TMEFF2: variants seen among roughly 807,000 people sequenced by gnomAD.
TMEFF2 encodes transmembrane protein with EGF like and two follistatin like domains 2.
Under a neutral mutation model 53.8 loss-of-function variants are expected in TMEFF2, and 28 were observed. The observed-to-expected ratio is 0.52, with a 90% CI of 0.39 to 0.71. TMEFF2 has a LOEUF of 0.71. Ranked by LOEUF, TMEFF2 falls within the 30% of genes least tolerant of loss-of-function variation. TMEFF2 has a pLI of 0.00. For missense variants in TMEFF2, 353 were observed against 455.2 expected (o/e 0.78, Z 2.04); for synonymous variants, 162 against 166.3 (o/e 0.97, Z 0.20).
chr2:192,119,062 A>C (rs72918155), intron 4 of TMEFF2, among the ~76,000 whole-genome samples: 58,584 of 152,006 alleles, frequency 0.39, 11,808 homozygotes, highest in Middle Eastern at 0.48. Flanking sequence ...TTGTTTCTAG[A>C]AGTCAGAAAA....
At chr2:192,135,969 A>C in intron 4 of TMEFF2, among the ~76,000 whole-genome samples, 2 of 149,670 alleles carry the variant, frequency 1.3e-5, no homozygotes, top group African/African-American at 5.0e-5. Flanking sequence ...TTACCTTCCC[A>C]AATCCTATAA....
intron 4 of TMEFF2, 141 bp downstream of exon 4, chr2:192,179,527 G>C: frequency 1.2e-6 from 1 of 835,082 alleles, no homozygotes; most frequent in Non-Finnish European, 1.8e-6. Context: ...TTAATATGGT[G>C]ACAATTTTTT....
At chr2:192,039,884 A>T (rs1317721541) in intron 5 of TMEFF2, among the ~76,000 whole-genome samples, 1 of 152,124 alleles carries the variant, frequency 6.6e-6, no homozygotes, top group East Asian at 1.9e-4. Flanking sequence ...TACAGTGGCC[A>T]TGTATTCCTC....
intron 4 of TMEFF2, among the ~76,000 whole-genome samples, chr2:192,091,911 T>C (rs1392603137): frequency 6.6e-6 from 1 of 152,168 alleles, no homozygotes; most frequent in Non-Finnish European, 1.5e-5. Flanking sequence ...AGGAGACGTG[T>C]ATTGCTGCCT....
chr2:191,969,599 T>A (rs2105802480), intron 7 of TMEFF2, among the ~76,000 whole-genome samples: 1 of 152,300 alleles, frequency 6.6e-6, no homozygotes, highest in East Asian at 1.9e-4. Context: ...AGGTCAAGCA[T>A]AAGCAAATGT....
intron 4 of TMEFF2, among the ~76,000 whole-genome samples, chr2:192,129,955 A>G (rs73045786): frequency 5.1e-4 from 77 of 152,332 alleles, no homozygotes; most frequent in African/African-American, 1.9e-3. Flanking sequence ...TAGGTCACTT[A>G]GCTTAATTTA....
intron 3 of TMEFF2, among the ~76,000 whole-genome samples, chr2:192,182,656 C>T (rs1691214442): frequency 6.6e-6 from 1 of 151,910 alleles, no homozygotes; most frequent in Admixed American, 6.6e-5. Context: ...ACCGTAACTT[C>T]TGGTCTGTTT....
chr2:192,187,377 T>C (rs1691340334), intron 2 of TMEFF2, among the ~76,000 whole-genome samples: 2 of 152,228 alleles, frequency 1.3e-5, no homozygotes, highest in Non-Finnish European at 2.9e-5. Flanking sequence ...ATGATATGTA[T>C]TTTAACTAGT....
At chr2:191,977,848 T>C (rs1348932648) in intron 7 of TMEFF2, among the ~76,000 whole-genome samples, 1 of 152,188 alleles carries the variant, frequency 6.6e-6, no homozygotes, top group East Asian at 1.9e-4. Flanking sequence ...CAAAAATAAC[T>C]ATGTTTTTAT....
intron 7 of TMEFF2, among the ~76,000 whole-genome samples, chr2:191,993,294 C>T (rs1286936675): frequency 1.3e-5 from 2 of 152,006 alleles, no homozygotes; most frequent in Non-Finnish European, 2.9e-5. Context: ...TGATTTCTTT[C>T]TTCCACATTT....
intron 4 of TMEFF2, among the ~76,000 whole-genome samples, chr2:192,115,154 C>G (rs1005080058): frequency 3.3e-5 from 5 of 151,896 alleles, no homozygotes; most frequent in African/African-American, 1.2e-4. Context: ...AAAAATGAAA[C>G]TGAAGGCATC....
intron 7 of TMEFF2, among the ~76,000 whole-genome samples, chr2:191,984,374 A>G (rs1486270606): frequency 6.6e-6 from 1 of 152,118 alleles, no homozygotes; most frequent in Non-Finnish European, 1.5e-5. Flanking sequence ...CAGTAACTAC[A>G]TTGGTGACTT....
intron 4 of TMEFF2, among the ~76,000 whole-genome samples, chr2:192,059,485 G>A (rs1235894559): frequency 6.6e-6 from 1 of 152,142 alleles, no homozygotes; most frequent in Non-Finnish European, 1.5e-5. Context: ...ATGCAACACA[G>A]AAGCTGCTAA....
At chr2:191,986,602 G>A (rs936370185) in intron 7 of TMEFF2, among the ~76,000 whole-genome samples, 4 of 145,276 alleles carry the variant, frequency 2.8e-5, no homozygotes, top group South Asian at 2.2e-4. Flanking sequence ...GCTCACGCCT[G>A]TAATCCCAGC....
chr2:192,029,469 A>G (rs183078244), intron 5 of TMEFF2: 1 of 152,338 alleles, frequency 6.6e-6, no homozygotes, highest in East Asian at 1.9e-4. Flanking sequence ...AAAGGAATAC[A>G]TTGAGATTCA....
At chr2:192,030,931 G>A (rs1687117468) in intron 5 of TMEFF2, among the ~76,000 whole-genome samples, 1 of 152,096 alleles carries the variant, frequency 6.6e-6, no homozygotes, top group South Asian at 2.1e-4. Flanking sequence ...GCGGGGCGGG[G>A]AGTTGATGGG....
chr2:191,991,503 C>T (rs935023216), intron 7 of TMEFF2, among the ~76,000 whole-genome samples: 1 of 152,086 alleles, frequency 6.6e-6, no homozygotes, highest in Non-Finnish European at 1.5e-5. Flanking sequence ...GACTTATTAT[C>T]TCCATTAAAC....
Position 191,949,508 on chromosome 2 carries a change from C to T in TMEFF2, c.*803G>A. 9.1e-6 allele frequency: 9 copies of T among 985,234 alleles called. No homozygotes were observed. Among genetic ancestry groups the T allele is most frequent in the Non-Finnish European group, 1.1e-5 (9 of 829,872 alleles). 61.0% of individuals were successfully genotyped at this position (985,234 alleles called of 1,614,324 possible). A position where few individuals can be genotyped will look rare whatever the true frequency, so the allele number is the denominator to read the frequency against. On this transcript the variant is annotated 3_prime_UTR_variant, in exon 10 of 10. Coordinates refer to ENST00000272771, the MANE Select transcript of TMEFF2 (RefSeq NM_016192.4). ...ATCTAGTGGTGTTATTACATTTTTCCCCTGGTAATTCCACCCACCTAAATG... is the reference window on the plus strand; with the variant it reads ...ATCTAGTGGTGTTATTACATTTTTCTCCTGGTAATTCCACCCACCTAAATG...
chr2:192,089,383 C>G (rs1368619009), intron 4 of TMEFF2, among the ~76,000 whole-genome samples: 4 of 150,236 alleles, frequency 2.7e-5, no homozygotes, highest in Non-Finnish European at 1.5e-5. Context: ...GAATATTGCT[C>G]TCTAGGCAGC....
Sources: gnomAD v4.1 joint callset for allele counts (sites outside exome capture counted in the v4.1 genomes callset) on GRCh38, gnomAD v4.1.1 for gene constraint, MANE v1.5 for transcripts, NCBI Gene and HGNC (gene_info 2026-07-23, HGNC 2026-07-21) for gene names.